NPAS2: variants seen among roughly 807,000 people sequenced by gnomAD.
NPAS2 encodes neuronal PAS domain protein 2.
NPAS2 carries 23 observed loss-of-function variants against 107.5 expected under a neutral mutation model. The observed-to-expected ratio is 0.21, with a 90% CI of 0.15 to 0.30. The LOEUF (loss-of-function observed/expected upper bound fraction) is 0.30. Among genes scored for constraint, NPAS2 ranks in the 10% least tolerant of loss-of-function variants. The probability of loss-of-function intolerance (pLI) is 1.00; values close to 1 mark genes in which losing one functional copy is unlikely to be tolerated. For synonymous variants in NPAS2, 403 were observed against 417.5 expected (o/e 0.97, Z 0.42); for missense variants, 756 against 1,043.3 (o/e 0.72, Z 3.79).
At chr2:100,860,843 TG>T (rs1290140324) in intron 1 of NPAS2, among the ~76,000 whole-genome samples, 1 of 152,112 alleles carries the variant, frequency 6.6e-6, no homozygotes, top group Non-Finnish European at 1.5e-5. Flanking sequence ...TCCTCCCCAC[TG>T]GACTTAGCAT....
intron 1 of NPAS2, among the ~76,000 whole-genome samples, chr2:100,876,172 C>T (rs1403959444): frequency 1.3e-5 from 2 of 152,220 alleles, no homozygotes; most frequent in African/African-American, 4.8e-5. Flanking sequence ...TTCTGTTCCT[C>T]TCTTCCCCGT....
intron 1 of NPAS2, among the ~76,000 whole-genome samples, chr2:100,886,262 AGTTT>A (rs1206987974): frequency 1.3e-5 from 2 of 152,180 alleles, no homozygotes; most frequent in Non-Finnish European, 2.9e-5. Flanking sequence ...ACTTTACCCA[AGTTT>A]GTTTGTCTTC....
chr2:100,968,420 G>C lies in NPAS2; in HGVS notation c.1047G>C (p.Ser349=). 1 of 1,614,006 alleles carries C rather than the reference G, an allele frequency of 6.2e-7. No homozygotes were observed. Among genetic ancestry groups the C allele is most frequent in the Non-Finnish European group, 8.5e-7 (1 of 1,179,954 alleles). ...SKPEFIVCTH[S]VVSYADVRVE... Reference sequence around the variant, plus strand: ...CCGAGTTCATCGTGTGCACACACTCGGTGGTCAGGTACCGCGCACGGGCAG... The same window carrying C: ...CCGAGTTCATCGTGTGCACACACTCCGTGGTCAGGTACCGCGCACGGGCAG... The change falls in exon 11 of 21, where the codon TCG becomes TCC. Residue 349 remains serine (S), a synonymous_variant. Coordinates refer to ENST00000335681, the MANE Select transcript of NPAS2 (RefSeq NM_002518.4). The surrounding 1 kb of genome is among the most constrained non-coding windows in gnomAD (Gnocchi z 5.3).
chr2:100,907,288 C>T (rs1194286721), intron 2 of NPAS2, among the ~76,000 whole-genome samples: 3 of 152,098 alleles, frequency 2.0e-5, no homozygotes, highest in Non-Finnish European at 4.4e-5. Context: ...TCTTTTCATT[C>T]ATTCCCCTCC....
At chr2:100,963,465 G>A in intron 7 of NPAS2, among the ~76,000 whole-genome samples, 1 of 152,128 alleles carries the variant, frequency 6.6e-6, no homozygotes, top group East Asian at 1.9e-4. Context: ...GAGTGCAGTG[G>A]TGCTAACTTG....
intron 11 of NPAS2, chr2:100,970,566 G>A (rs1676477998): frequency 1.3e-5 from 2 of 156,134 alleles, no homozygotes; most frequent in African/African-American, 4.8e-5. Context: ...TCTGAGAAAT[G>A]TAACTACTAA....
intron 1 of NPAS2, among the ~76,000 whole-genome samples, chr2:100,842,375 C>T (rs1425354031): frequency 2.0e-5 from 3 of 152,162 alleles, no homozygotes; most frequent in African/African-American, 7.2e-5. Context: ...TGCACGTAGA[C>T]AGAATGCATC....
chr2:100,900,142 T>A (rs1027650257), intron 1 of NPAS2, among the ~76,000 whole-genome samples: 2 of 152,132 alleles, frequency 1.3e-5, no homozygotes, highest in African/African-American at 4.8e-5. Flanking sequence ...GAAGACACCA[T>A]CCAAAAAGCA....
At chr2:100,917,877 G>C (rs879756347) in intron 2 of NPAS2, among the ~76,000 whole-genome samples, 49 of 152,226 alleles carry the variant, frequency 3.2e-4, no homozygotes, top group African/African-American at 1.1e-3. Context: ...ATTAAAAGAA[G>C]AAATATCACC....
chr2:100,992,520 T>TG, intron 19 of NPAS2, among the ~76,000 whole-genome samples: 2 of 152,284 alleles, frequency 1.3e-5, no homozygotes, highest in Middle Eastern at 6.8e-3. Flanking sequence ...GAGTTCTCCC[T>TG]AGATCTGTTT....
Position 100,820,911 on chromosome 2 carries a change from G to A in NPAS2, c.-23+497G>A. 1 of 603,864 alleles carries A rather than the reference G, an allele frequency of 1.7e-6. No homozygotes were observed. The highest frequency in any genetic ancestry group is 2.5e-6 in the Non-Finnish European group (1 of 392,378). 37.4% of individuals were successfully genotyped at this position (603,864 alleles called of 1,614,324 possible). A position where few individuals can be genotyped will look rare whatever the true frequency, so the allele number is the denominator to read the frequency against. On this transcript the variant is annotated intron_variant, in intron 1 of 20. Coordinates refer to ENST00000335681, the MANE Select transcript of NPAS2 (RefSeq NM_002518.4). This position sits in a 1 kb window ranked among gnomAD's most constrained non-coding sequence, Gnocchi z 5.6. ...AGTCCCTGGGTCGGAATTGGTTCCG[G>A]GCCGGATTGGGTGCGGAATCGGTGC...
At chr2:100,944,787 GC>G (rs1241510436) in intron 5 of NPAS2, among the ~76,000 whole-genome samples, 3 of 152,070 alleles carry the variant, frequency 2.0e-5, no homozygotes, top group Non-Finnish European at 4.4e-5. Context: ...CTTGCATCCA[GC>G]GTTCGTCTTT....
chr2:100,946,453 C>T (rs1674903892), intron 5 of NPAS2, among the ~76,000 whole-genome samples: 1 of 152,148 alleles, frequency 6.6e-6, no homozygotes, highest in African/African-American at 2.4e-5. Context: ...GAGGGTGCAG[C>T]ATGTTCCTGC....
At chr2:100,838,679 A>G (rs1319386749) in intron 1 of NPAS2, among the ~76,000 whole-genome samples, 2 of 152,162 alleles carry the variant, frequency 1.3e-5, no homozygotes, top group African/African-American at 4.8e-5. Context: ...GCTGCAGAGA[A>G]GTGACTGACT....
chr2:100,924,455 A>G (rs1683433282), intron 2 of NPAS2, among the ~76,000 whole-genome samples: 1 of 152,250 alleles, frequency 6.6e-6, no homozygotes, highest in Non-Finnish European at 1.5e-5. Flanking sequence ...AGAATGTCAT[A>G]TACTTGCTAT....
At chr2:100,975,135 C>T (rs1171164997) in intron 13 of NPAS2, 191 bp downstream of exon 13, 5 of 613,666 alleles carry the variant, frequency 8.1e-6, no homozygotes, top group South Asian at 8.0e-5. Flanking sequence ...CTCTGGTATC[C>T]ATTCATTGCC....
chr2:100,988,348 T>G (rs1195456356), intron 17 of NPAS2, 72 bp downstream of exon 17: 19 of 1,339,616 alleles, frequency 1.4e-5, no homozygotes, highest in Non-Finnish European at 4.3e-6. Context: ...GGGACATACT[T>G]GATTCCTGCA....
At chr2:100,858,716 C>G (rs1383294705) in intron 1 of NPAS2, among the ~76,000 whole-genome samples, 1 of 152,064 alleles carries the variant, frequency 6.6e-6, no homozygotes, top group Admixed American at 6.5e-5. Flanking sequence ...TTAATTACTC[C>G]CTACTTTATT....
chr2:100,939,412 T>C (rs1049116597), intron 5 of NPAS2, among the ~76,000 whole-genome samples: 5 of 152,086 alleles, frequency 3.3e-5, no homozygotes, highest in African/African-American at 1.2e-4. Context: ...CAGAAGTGGC[T>C]CATCCTCACT....
Sources: gnomAD v4.1 joint callset for allele counts (sites outside exome capture counted in the v4.1 genomes callset) on GRCh38, gnomAD v4.1.1 for gene constraint, Gnocchi (gnomAD v3.1) non-coding constraint, MANE v1.5 for transcripts, NCBI Gene and HGNC (gene_info 2026-07-23, HGNC 2026-07-21) for gene names.